TPMT: variants seen among roughly 807,000 people sequenced by gnomAD.
TPMT encodes S-adenosyl-L-methionine:thiopurine S-methyltransferase.
Under a neutral mutation model 34.2 loss-of-function variants are expected in TPMT, and 18 were observed. The ratio of observed to expected loss-of-function variants is 0.53; its 90% CI spans 0.36 to 0.78. The LOEUF is 0.78. Ranked by LOEUF, TPMT falls within the 30% of genes least tolerant of loss-of-function variation. The pLI is 0.00. For missense variants in TPMT, 265 were observed against 288.1 expected, an observed-to-expected ratio of 0.92 and a Z score of 0.58; for synonymous variants, 69 against 92.4, an observed-to-expected ratio of 0.75 and a Z score of 1.45.
At chr6:18,133,783 A>AT in intron 7 of TPMT, 21 bp downstream of exon 7, 1 of 1,578,672 alleles carries the variant, frequency 6.3e-7, no homozygotes, top group Non-Finnish European at 8.6e-7. Context: ...AAAAGAAAAA[A>AT]AAAAAACCCA....
intron 6 of TPMT, among the ~76,000 whole-genome samples, chr6:18,134,593 G>T (rs1784009254): frequency 6.6e-6 from 1 of 152,150 alleles, no homozygotes; most frequent in Non-Finnish European, 1.5e-5. Context: ...ATGCTAACAG[G>T]ACCCATCAAT....
rs745852340 is a variant in TPMT at position 18,130,707 on chromosome 6, G to C, written c.699C>G (p.Asp233Glu). ...FEERHKSWGI[D>E]CLFEKLYLLT... ...GTAGATATAACTTTTCAAAAAGACAGTCAATTCCCCAACTTTTATGTCGTT... is the reference window on the plus strand; with the variant it reads ...GTAGATATAACTTTTCAAAAAGACACTCAATTCCCCAACTTTTATGTCGTT... Residue 233 changes from aspartate (D) to glutamate (E), a missense_variant, in exon 9 of 9, where the codon GAC becomes GAG. Asp to Glu is a conservative substitution (Grantham distance 45, BLOSUM62 2). Transcript: ENST00000309983. This position sits in a 1 kb window ranked among gnomAD's most constrained non-coding sequence, Gnocchi z 4.2. 1 of 1,612,964 alleles carries C rather than the reference G, an allele frequency of 6.2e-7. No homozygotes were observed. Among genetic ancestry groups the C allele is most frequent in the South Asian group, 1.1e-5 (1 of 91,028 alleles).
intron 3 of TPMT, 131 bp downstream of exon 3, chr6:18,147,692 T>C (rs1784273501): frequency 2.3e-5 from 18 of 774,262 alleles, no homozygotes; most frequent in Non-Finnish European, 4.5e-6. Context: ...TATATACCCA[T>C]CACTAATAGA....
chr6:18,140,154 C>T lies in TPMT; in HGVS notation c.367-437G>A, dbSNP rs1784114682. Among the ~76,000 whole-genome samples the T allele has an allele frequency of 2.0e-5, 3 of 152,148 alleles. No individual in the cohort carries two copies. The highest frequency in any genetic ancestry group is 2.0e-4 in the Admixed American group (3 of 15,274). ...CTTCCATTTTTGCTCATTCATTCAG[C>T]CAATGAGCATTTATTTGCTGAGTAC... On this transcript the variant is annotated intron_variant, in intron 4 of 8. Coordinates refer to ENST00000309983, the MANE Select transcript of TPMT (RefSeq NM_000367.5). This position sits in a 1 kb window ranked among gnomAD's most constrained non-coding sequence, Gnocchi z 4.7.
chr6:18,133,737 G>A (rs746446906), intron 7 of TPMT, 67 bp downstream of exon 7: 2 of 1,167,482 alleles, frequency 1.7e-6, no homozygotes, highest in Non-Finnish European at 1.3e-6. Flanking sequence ...TCTTATCCAT[G>A]TCATAGAATT....
At position 18,153,738 on chromosome 6, in the gene TPMT, T is replaced by C. The variant is rs1784404424; in HGVS notation, c.-45+1295A>G. Among the ~76,000 whole-genome samples, 2 of 152,238 alleles carry C rather than the reference T, an allele frequency of 1.3e-5. No individual in the cohort carries two copies. The highest frequency in any genetic ancestry group is 4.1e-4 in the South Asian group (2 of 4,836). On this transcript the variant is annotated intron_variant, in intron 1 of 8. Coordinates refer to ENST00000309983, the MANE Select transcript of TPMT (RefSeq NM_000367.5). The surrounding 1 kb of genome is among the most constrained non-coding windows in gnomAD (Gnocchi z 4.2). The stretch of plus-strand genomic sequence containing the variant: ...TGGGTACAGAAAAGCAAAAGAATGT[T>C]GCAGTTTTCTCATTTTCATTCAGAA...
At position 18,139,155 on chromosome 6, in the gene TPMT, G is replaced by A. The variant is rs756573222; in HGVS notation, c.420-118C>T. The A allele has an allele frequency of 2.5e-5, 23 of 932,776 alleles. No homozygotes were observed. Among genetic ancestry groups the A allele is most frequent in the Middle Eastern group, 2.9e-4 (1 of 3,488 alleles). 57.8% of individuals were successfully genotyped at this position (932,776 alleles called of 1,614,324 possible). A position where few individuals can be genotyped will look rare whatever the true frequency, so the allele number is the denominator to read the frequency against. ...AATCGTCAAGGTATTAGGATCTCAC[G>A]TCTGCGTTTCCTCCTAGAGGAATGT... On this transcript the variant is annotated intron_variant, in intron 5 of 8. Transcript: ENST00000309983. This position sits in a 1 kb window ranked among gnomAD's most constrained non-coding sequence, Gnocchi z 4.2.
At position 18,129,058 on chromosome 6, in the gene TPMT, G is replaced by T. The variant is rs1211008779; in HGVS notation, c.*1610C>A. Reference sequence around the variant, plus strand: ...GTTCAACATCAGCGTGGGCAACAAAGTGAGACCCTGTCTCTACATAAAAGT... The same window carrying T: ...GTTCAACATCAGCGTGGGCAACAAATTGAGACCCTGTCTCTACATAAAAGT... On this transcript the variant is annotated 3_prime_UTR_variant, in exon 9 of 9. Coordinates refer to ENST00000309983, the MANE Select transcript of TPMT (RefSeq NM_000367.5). 1 of 152,272 alleles carries T rather than the reference G, an allele frequency of 6.6e-6. No homozygotes were observed. The highest frequency in any genetic ancestry group is 2.4e-5 in the African/African-American group (1 of 41,442). 9.4% of individuals were successfully genotyped at this position (152,272 alleles called of 1,614,324 possible).
In TPMT at chr6:18,142,301, C is replaced by T. The variant is rs560200756; in HGVS notation, c.366+1295G>A. On this transcript the variant is annotated intron_variant, in intron 4 of 8. Coordinates refer to ENST00000309983, the MANE Select transcript of TPMT (RefSeq NM_000367.5). ...CAAGACGACGAACCTGGGGAATTTA[C>T]CCCAGACAAGGTAGCCACTTCACAA... Among the ~76,000 whole-genome samples the T allele has an allele frequency of 2.6e-5, 4 of 152,144 alleles. No homozygotes were observed. In the South Asian group the frequency reaches 8.3e-4, roughly 32 times the overall value.
At position 18,131,202 on chromosome 6, in the gene TPMT, C is replaced by A. The variant is rs1361081295; in HGVS notation, c.626-422G>T. 6.6e-6 allele frequency among the ~76,000 whole-genome samples: 1 copy of A among 152,174 alleles called. No individual in the cohort carries two copies. Among genetic ancestry groups the A allele is most frequent in the Non-Finnish European group, 1.5e-5 (1 of 68,034 alleles). The stretch of plus-strand genomic sequence containing the variant: ...AGTGTACACTAAACATTTTTCTCTT[C>A]TTTTTAATCAAAACAGAGGAATGCT... On this transcript the variant is annotated intron_variant, in intron 8 of 8. Transcript: ENST00000309983. This position sits in a 1 kb window ranked among gnomAD's most constrained non-coding sequence, Gnocchi z 4.3.
At chr6:18,151,403 G>T (rs1582049908) in intron 1 of TPMT, among the ~76,000 whole-genome samples, 1 of 150,950 alleles carries the variant, frequency 6.6e-6, no homozygotes, top group Non-Finnish European at 1.5e-5. Context: ...AGGAGTTCGA[G>T]GCTGCAGTGA....
intron 1 of TPMT, among the ~76,000 whole-genome samples, chr6:18,152,196 C>G (rs1184092466): frequency 6.6e-6 from 1 of 152,296 alleles, no homozygotes; most frequent in Middle Eastern, 3.4e-3. Context: ...TTCTGTATTG[C>G]AAACTGGGCT....
chr6:18,141,365 A>G (rs1372309560), intron 4 of TPMT, among the ~76,000 whole-genome samples: 1 of 148,088 alleles, frequency 6.8e-6, no homozygotes, highest in African/African-American at 2.5e-5. Flanking sequence ...TTTGAGACAG[A>G]GTCTTACTCT....
intron 6 of TPMT, among the ~76,000 whole-genome samples, chr6:18,137,442 T>C (rs1375166055): frequency 6.6e-6 from 1 of 152,098 alleles, no homozygotes; most frequent in East Asian, 1.9e-4. Flanking sequence ...GCCTCCTTTT[T>C]GGCCAAGTGA....
At position 18,132,227 on chromosome 6, in the gene TPMT, T is replaced by C. The variant is rs1040561696; in HGVS notation, c.581-50A>G. On this transcript the variant is annotated intron_variant, in intron 7 of 8. Transcript: ENST00000309983. This position sits in a 1 kb window ranked among gnomAD's most constrained non-coding sequence, Gnocchi z 4.8. ...GAGTTTATTTCCAATGACGTAGGTG[T>C]ACTTGTTCTACATACAACTTCATTA... 3 of 1,552,932 alleles carry C rather than the reference T, an allele frequency of 1.9e-6. No homozygotes were observed. The African/African-American group carries it at 4.1e-5, about 21-fold the overall frequency.
chr6:18,130,712 T>C lies in TPMT; in HGVS notation c.694A>G (p.Ile232Val), dbSNP rs1446659749. Residue 232 changes from isoleucine to valine, a missense_variant, in exon 9 of 9, where the codon ATT (isoleucine) becomes GTT (valine). By Grantham distance (29) the Ile-to-Val change is conservative (BLOSUM62 3). Coordinates refer to ENST00000309983, the MANE Select transcript of TPMT (RefSeq NM_000367.5). The surrounding 1 kb of genome is among the most constrained non-coding windows in gnomAD (Gnocchi z 4.2). ...AFEERHKSWG[I>V]DCLFEKLYLL... ...TATAACTTTTCAAAAAGACAGTCAATTCCCCAACTTTTATGTCGTTCTTCA... is the reference window on the plus strand; with the variant it reads ...TATAACTTTTCAAAAAGACAGTCAACTCCCCAACTTTTATGTCGTTCTTCA... 6.2e-7 allele frequency: 1 copy of C among 1,613,224 alleles called. No individual in the cohort carries two copies. Among genetic ancestry groups the C allele is most frequent in the Admixed American group, 1.7e-5 (1 of 60,016 alleles).
At position 18,154,855 on chromosome 6, in the gene TPMT, T is replaced by G. The variant is rs977782428; in HGVS notation, c.-45+178A>C. On this transcript the variant is annotated intron_variant, in intron 1 of 8. Transcript: ENST00000309983. The surrounding 1 kb of genome is among the most constrained non-coding windows in gnomAD (Gnocchi z 4.2). Reference sequence around the variant, plus strand: ...AATCCTGGACATTGGATTCAGGTCATTTACTGTCCGACCTCGTTATTCCCA... The same window carrying G: ...AATCCTGGACATTGGATTCAGGTCAGTTACTGTCCGACCTCGTTATTCCCA... 6.6e-5 allele frequency among the ~76,000 whole-genome samples: 10 copies of G among 152,206 alleles called. No individual in the cohort carries two copies. Among genetic ancestry groups the G allele is most frequent in the Non-Finnish European group, 7.3e-5 (5 of 68,028 alleles).
Position 18,138,819 on chromosome 6 carries a change from G to A in TPMT, c.494+144C>T. ...ATCCTATACTTTTTAGACAAAGCTAGTATTGGATTTAGGTTTTTATAAATT... is the reference window on the plus strand; with the variant it reads ...ATCCTATACTTTTTAGACAAAGCTAATATTGGATTTAGGTTTTTATAAATT... On this transcript the variant is annotated intron_variant, in intron 6 of 8. Transcript: ENST00000309983. The surrounding 1 kb of genome is among the most constrained non-coding windows in gnomAD (Gnocchi z 4.1). The A allele has an allele frequency of 1.4e-6, 1 of 700,860 alleles. No individual in the cohort carries two copies. The highest frequency in any genetic ancestry group is 2.7e-5 in the East Asian group (1 of 37,070). 43.4% of individuals were successfully genotyped at this position (700,860 alleles called of 1,614,324 possible). A position where few individuals can be genotyped will look rare whatever the true frequency, so the allele number is the denominator to read the frequency against.
rs970178440 is a variant in TPMT at position 18,131,180 on chromosome 6, G to A, written c.626-400C>T. ...ACCTTGAAATTATTTTAAAAACAGT[G>A]TACACTAAACATTTTTCTCTTCTTT... On this transcript the variant is annotated intron_variant, in intron 8 of 8. Coordinates refer to ENST00000309983, the MANE Select transcript of TPMT (RefSeq NM_000367.5). This position sits in a 1 kb window ranked among gnomAD's most constrained non-coding sequence, Gnocchi z 4.3. Among the ~76,000 whole-genome samples, 1 of 152,120 alleles carries A rather than the reference G, an allele frequency of 6.6e-6. No individual in the cohort carries two copies. The highest frequency in any genetic ancestry group is 1.5e-5 in the Non-Finnish European group (1 of 68,018).
Sources: allele counts gnomAD v4.1 joint callset (sites outside exome capture counted in the v4.1 genomes callset), GRCh38; gene constraint gnomAD v4.1.1; non-coding constraint Gnocchi (gnomAD v3.1); transcripts MANE v1.5; gene names NCBI Gene and HGNC (gene_info 2026-07-23, HGNC 2026-07-21).